The following ERC2 variants were observed in gnomAD, a reference collection of about 807,000 sequenced individuals.
ERC2 encodes the protein ELKS/RAB6-interacting/CAST family member 2.
Under a neutral mutation model 114.8 loss-of-function variants are expected in ERC2, and 42 were observed. The ratio of observed to expected loss-of-function variants is 0.37; its 90% CI spans 0.29 to 0.47. The LOEUF is 0.47. ERC2 is among the 20% of genes least tolerant of loss of function. ERC2 has a pLI of 0.99. For missense variants in ERC2, 939 were observed against 1,150.7 expected, an observed-to-expected ratio of 0.82 and a Z score of 2.66; for synonymous variants, 454 against 425.5, an observed-to-expected ratio of 1.07 and a Z score of -0.82.
chr3:55,833,630 A>C (rs1008685745), intron 14 of ERC2, among the ~76,000 whole-genome samples: 3 of 152,236 alleles, frequency 2.0e-5, no homozygotes, highest in Non-Finnish European at 2.9e-5. Flanking sequence ...GGAAAGGAAC[A>C]ACTGGTACCA....
intron 17 of ERC2, among the ~76,000 whole-genome samples, chr3:55,648,008 C>G (rs953128129): frequency 6.6e-6 from 1 of 152,138 alleles, no homozygotes; most frequent in Non-Finnish European, 1.5e-5. Flanking sequence ...CCATTTGTAA[C>G]CCAGCGGGGG....
At chr3:56,144,692 G>T (rs2081049254) in intron 5 of ERC2, among the ~76,000 whole-genome samples, 1 of 152,220 alleles carries the variant, frequency 6.6e-6, no homozygotes, top group African/African-American at 2.4e-5. Context: ...AATAAAAATA[G>T]ATTGATAATG....
chr3:55,561,767 C>G (rs1322433599), intron 17 of ERC2, among the ~76,000 whole-genome samples: 1 of 152,158 alleles, frequency 6.6e-6, no homozygotes, highest in Non-Finnish European at 1.5e-5. Flanking sequence ...CAGTCCATGA[C>G]CCATCTGAGT....
At chr3:55,955,540 GATTT>G (rs1283944003) in intron 12 of ERC2, among the ~76,000 whole-genome samples, 1 of 152,020 alleles carries the variant, frequency 6.6e-6, no homozygotes, top group Admixed American at 6.6e-5. Context: ...AAAGGTTTGA[GATTT>G]ATTATTCATA....
chr3:55,929,687 T>C (rs2065958797), intron 13 of ERC2, among the ~76,000 whole-genome samples: 1 of 152,204 alleles, frequency 6.6e-6, no homozygotes, highest in Non-Finnish European at 1.5e-5. Context: ...AGGAAGGGCC[T>C]AGTGGGAGGG....
rs142165619 is a variant in ERC2, at chr3:56,419,256, C to T, written c.657+15095G>A. Among the ~76,000 whole-genome samples, 258 of 152,202 alleles carry T rather than the reference C, an allele frequency of 1.7e-3. 1 individual carries two copies. The highest frequency in any genetic ancestry group is 5.6e-3 in the African/African-American group (231 of 41,526). ...TTGCTCTTATCACAAATGCCTACAGCATAACTGCATTTGTAGTATGAGATT... is the reference window on the plus strand; with the variant it reads ...TTGCTCTTATCACAAATGCCTACAGTATAACTGCATTTGTAGTATGAGATT... On this transcript the variant is annotated intron_variant, in intron 2 of 17. Coordinates refer to ENST00000288221, the MANE Select transcript of ERC2 (RefSeq NM_015576.3).
intron 13 of ERC2, among the ~76,000 whole-genome samples, chr3:55,915,930 C>A (rs1553731501): frequency 6.6e-6 from 1 of 152,046 alleles, no homozygotes; most frequent in Non-Finnish European, 1.5e-5. Context: ...GATTTTAAGA[C>A]AAAAAAATCA....
At chr3:55,787,289 G>A (rs949000724) in intron 14 of ERC2, among the ~76,000 whole-genome samples, 5 of 152,092 alleles carry the variant, frequency 3.3e-5, no homozygotes, top group East Asian at 1.9e-4. Flanking sequence ...GGTGGTGCGC[G>A]CCTGTAGTCC....
At chr3:55,925,582 G>A (rs970667741) in intron 13 of ERC2, among the ~76,000 whole-genome samples, 14 of 152,112 alleles carry the variant, frequency 9.2e-5, no homozygotes, top group Non-Finnish European at 2.1e-4. Flanking sequence ...GCAGATGCCT[G>A]GACCATGTCC....
intron 2 of ERC2, among the ~76,000 whole-genome samples, chr3:56,311,255 C>CTCTCTCTATA (rs1314796268): frequency 6.3e-5 from 5 of 79,062 alleles, no homozygotes; most frequent in South Asian, 4.6e-4. Flanking sequence ...CTCTCTCTCT[C>CTCTCTCTATA]TATATATATA....
chr3:55,725,144 G>C (rs1426352197), intron 15 of ERC2, among the ~76,000 whole-genome samples: 1 of 152,080 alleles, frequency 6.6e-6, no homozygotes, highest in Non-Finnish European at 1.5e-5. Context: ...CAGTGCTGTG[G>C]GGTGCTTCAA....
intron 5 of ERC2, among the ~76,000 whole-genome samples, chr3:56,147,715 A>G (rs773013143): frequency 6.6e-6 from 1 of 152,210 alleles, no homozygotes; most frequent in African/African-American, 2.4e-5. Context: ...CATATTTAAG[A>G]GCAAGTGGTA....
chr3:56,434,229 A>T, intron 2 of ERC2, 122 bp downstream of exon 2: 1 of 788,910 alleles, frequency 1.3e-6, no homozygotes, highest in Non-Finnish European at 2.0e-6. Context: ...AACACATACT[A>T]AGCCATAACC....
chr3:55,570,912 G>A (rs1029056299), intron 17 of ERC2, among the ~76,000 whole-genome samples: 1 of 152,032 alleles, frequency 6.6e-6, no homozygotes, highest in Non-Finnish European at 1.5e-5. Flanking sequence ...CGGATCACGA[G>A]GTCAAGAGAT....
intron 1 of ERC2, among the ~76,000 whole-genome samples, chr3:56,454,653 C>T (rs2062976202): frequency 6.6e-6 from 1 of 152,016 alleles, no homozygotes; most frequent in African/African-American, 2.4e-5. Flanking sequence ...AGTTCAAGAC[C>T]AGCATGGCCA....
chr3:56,418,333 A>T (rs1452992256), intron 2 of ERC2, among the ~76,000 whole-genome samples: 1 of 150,840 alleles, frequency 6.6e-6, no homozygotes, highest in Non-Finnish European at 1.5e-5. Context: ...AAAGGGGATG[A>T]CTTCCTTTTA....
At chr3:56,243,305 T>G (rs981881730) in intron 3 of ERC2, among the ~76,000 whole-genome samples, 1 of 152,134 alleles carries the variant, frequency 6.6e-6, no homozygotes, top group Admixed American at 6.5e-5. Context: ...GAGCTGAGAG[T>G]GTTCTTAGAC....
At chr3:55,649,479 T>C (rs532840436) in intron 17 of ERC2, among the ~76,000 whole-genome samples, 1 of 152,164 alleles carries the variant, frequency 6.6e-6, no homozygotes, top group Admixed American at 6.5e-5. Context: ...ACAGGCTGGT[T>C]TCAAACTCCT....
intron 17 of ERC2, among the ~76,000 whole-genome samples, chr3:55,663,761 C>T (rs544263407): frequency 2.6e-5 from 4 of 152,250 alleles, no homozygotes; most frequent in Admixed American, 2.6e-4. Flanking sequence ...TTTGGATTTA[C>T]CAATATTAAC....
Sources: gnomAD v4.1 joint callset for allele counts (sites outside exome capture counted in the v4.1 genomes callset) on GRCh38, gnomAD v4.1.1 for gene constraint, MANE v1.5 for transcripts, NCBI Gene and HGNC (gene_info 2026-07-23, HGNC 2026-07-21) for gene names.